Variants in MRPS27 observed in about 807,000 individuals in gnomAD.
The protein encoded by MRPS27 is mitochondrial ribosomal protein S27.
MRPS27 carries 43 observed loss-of-function variants against 48.9 expected under a neutral mutation model. The observed-to-expected ratio is 0.88, with a 90% CI of 0.69 to 1.13. The LOEUF is 1.13. Ranked by LOEUF, MRPS27 falls within the 50% of genes most tolerant of loss-of-function variation. The pLI is 0.00. For missense variants in MRPS27, 467 were observed against 476.3 expected (o/e 0.98, Z 0.18); for synonymous variants, 188 against 171.9 (o/e 1.09, Z -0.73).
chr5:72,315,103 T>C (rs1264393267), intron 1 of MRPS27, among the ~76,000 whole-genome samples: 4 of 152,184 alleles, frequency 2.6e-5, no homozygotes, highest in African/African-American at 9.7e-5. Flanking sequence ...GGCAAGTTCA[T>C]CAAAATTTAA....
chr5:72,283,610 T>C (rs1204092703), intron 4 of MRPS27, among the ~76,000 whole-genome samples: 1 of 152,128 alleles, frequency 6.6e-6, no homozygotes, highest in African/African-American at 2.4e-5. Context: ...GAAGACCCAA[T>C]GGGTATGTTT....
chr5:72,242,665 TACACACAC>T lies in MRPS27; in HGVS notation c.282-4545_282-4538del, dbSNP rs57589095. ...CTAGGCAACACAGCGAGACCCCGTC[TACACACAC>T]ACACACACACACACACACACACACA... On this transcript the variant is annotated intron_variant, in intron 4 of 10. Transcript: ENST00000261413. Among the ~76,000 whole-genome samples, 621 of 134,222 alleles carry T rather than the reference TACACACAC, an allele frequency of 4.6e-3. 4 individuals carry two copies. Among genetic ancestry groups the T allele is most frequent in the South Asian group, 0.013 (48 of 3,780 alleles). The allele number at this position is 134,222 out of a possible 152,430, so 88.1% of individuals were successfully genotyped here.
intron 5 of MRPS27, among the ~76,000 whole-genome samples, chr5:72,237,130 G>T (rs1748216674): frequency 6.6e-6 from 1 of 152,054 alleles, no homozygotes; most frequent in Non-Finnish European, 1.5e-5. Flanking sequence ...TTACAGGCAT[G>T]TGCCACGGTG....
Position 72,307,423 on chromosome 5 carries a change from ACC to A in MRPS27, c.151+6656_151+6657del, listed in dbSNP as rs529636021. Among the ~76,000 whole-genome samples, 8 of 152,312 alleles carry A rather than the reference ACC, an allele frequency of 5.3e-5. No individual in the cohort carries two copies. In the East Asian group the frequency reaches 1.5e-3, roughly 29 times the overall value. The stretch of plus-strand genomic sequence containing the variant: ...AACTGGATATTTCGTGATATTTACA[ACC>A]CTATTAATATTTTAGGTGTGATAAT... On this transcript the variant is annotated intron_variant, in intron 2 of 10. Transcript: ENST00000261413.
intron 4 of MRPS27, among the ~76,000 whole-genome samples, chr5:72,287,484 CA>C (rs1477122964): frequency 2.6e-5 from 4 of 151,990 alleles, no homozygotes; most frequent in Admixed American, 6.6e-5. Flanking sequence ...TACAAAAACA[CA>C]AAAATTAGCC....
Position 72,255,035 on chromosome 5 carries a change from T to C in MRPS27, c.282-16907A>G, listed in dbSNP as rs112805579. On this transcript the variant is annotated intron_variant, in intron 4 of 10. Coordinates refer to ENST00000261413, the MANE Select transcript of MRPS27 (RefSeq NM_015084.3). Reference sequence around the variant, plus strand: ...AATGTAACACATTTCTTTTCTTTTTTTTTTTTTTTTTTTTTTTTTTTGAGA... The same window carrying C: ...AATGTAACACATTTCTTTTCTTTTTCTTTTTTTTTTTTTTTTTTTTTGAGA... Among the ~76,000 whole-genome samples, 68 of 127,924 alleles carry C rather than the reference T, an allele frequency of 5.3e-4. 1 individual carries two copies. The highest frequency in any genetic ancestry group is 3.7e-3 in the Middle Eastern group (1 of 270). The allele number at this position is 127,924 out of a possible 152,430, so 83.9% of individuals were successfully genotyped here.
chr5:72,222,067 G>T (rs758918890), intron 10 of MRPS27, among the ~76,000 whole-genome samples: 1 of 152,186 alleles, frequency 6.6e-6, no homozygotes, highest in Non-Finnish European at 1.5e-5. Flanking sequence ...AGGGTTGGGG[G>T]TGGGCAGGGT....
At chr5:72,314,334 A>G (rs1208514145) in intron 1 of MRPS27, 176 bp from the exon 2 acceptor site, 7 of 453,442 alleles carry the variant, frequency 1.5e-5, no homozygotes, top group African/African-American at 1.4e-4. Flanking sequence ...AACAAAATGC[A>G]TTCAACCCCT....
At chr5:72,225,779 A>AT (rs35100305) in intron 9 of MRPS27, among the ~76,000 whole-genome samples, 33,486 of 145,936 alleles carry the variant, frequency 0.23, 4,290 homozygotes, top group African/African-American at 0.35. Flanking sequence ...TCCCACTGAG[A>AT]TTTTTTTTTT....
chr5:72,256,202 A>G (rs1284023782), intron 4 of MRPS27, among the ~76,000 whole-genome samples: 1 of 152,254 alleles, frequency 6.6e-6, no homozygotes, highest in Non-Finnish European at 1.5e-5. Context: ...ACAAATGTGT[A>G]TATCCGATAT....
At chr5:72,241,360 A>C (rs2111966620) in intron 4 of MRPS27, 1 of 482,388 alleles carries the variant, frequency 2.1e-6, no homozygotes, top group Non-Finnish European at 3.7e-6. Flanking sequence ...TTACACACAT[A>C]CTATAAAATA....
chr5:72,306,275 A>G (rs1454566390), intron 2 of MRPS27, among the ~76,000 whole-genome samples: 2 of 152,276 alleles, frequency 1.3e-5, no homozygotes, highest in Non-Finnish European at 2.9e-5. Flanking sequence ...TGCAGCTTCA[A>G]ATGAAATAAC....
At chr5:72,251,705 G>C (rs1050230827) in intron 4 of MRPS27, among the ~76,000 whole-genome samples, 5 of 152,228 alleles carry the variant, frequency 3.3e-5, no homozygotes, top group African/African-American at 1.2e-4. Flanking sequence ...AAGAGAAGCT[G>C]CTAAGTGCTG....
At chr5:72,297,609 T>C in intron 3 of MRPS27, 23 bp downstream of exon 3, 2 of 1,473,614 alleles carry the variant, frequency 1.4e-6, no homozygotes, top group Non-Finnish European at 1.9e-6. Context: ...TCTTGGAAAA[T>C]ATATATGTTA....
intron 8 of MRPS27, 68 bp from the exon 9 acceptor site, chr5:72,226,267 T>C: frequency 6.3e-7 from 1 of 1,578,488 alleles, no homozygotes. Context: ...ACTGAGGACC[T>C]GAAGGCCCAA....
intron 4 of MRPS27, among the ~76,000 whole-genome samples, chr5:72,279,306 T>C (rs1749470417): frequency 1.3e-5 from 2 of 152,228 alleles, no homozygotes; most frequent in Non-Finnish European, 2.9e-5. Flanking sequence ...ATATTCTCTA[T>C]CCACTTTTCT....
At chr5:72,274,360 CA>C in intron 4 of MRPS27, among the ~76,000 whole-genome samples, 1 of 152,216 alleles carries the variant, frequency 6.6e-6, no homozygotes, top group East Asian at 1.9e-4. Context: ...TCTCAAAAAA[CA>C]AAAACAATAA....
chr5:72,288,456 C>G (rs1749731901), intron 4 of MRPS27, among the ~76,000 whole-genome samples: 1 of 152,188 alleles, frequency 6.6e-6, no homozygotes, highest in Non-Finnish European at 1.5e-5. Context: ...CGTGATCTGC[C>G]CGCCTCGGCT....
In MRPS27 at chr5:72,221,071, C is replaced by G; in HGVS notation, c.1083G>C (p.Lys361Asn). 2 of 1,614,164 alleles carry G rather than the reference C, an allele frequency of 1.2e-6. No individual in the cohort carries two copies. The highest frequency in any genetic ancestry group is 1.7e-6 in the Non-Finnish European group (2 of 1,180,016). ...GLLSLTTQLV[K>N]EKLSTCEAED... ...CTGCTTCACAGGTGGAGAGTTTTTC[C>G]TTGACAAGCTGGGTGGTCAGACTTA... is the stretch of plus-strand genomic sequence containing the variant. The change falls in exon 11 of 11, where the codon AAG becomes AAC. Residue 361 changes from lysine (K) to asparagine (N), a missense_variant. Transcript: ENST00000261413.
Sources: gnomAD v4.1 joint callset for allele counts (sites outside exome capture counted in the v4.1 genomes callset) on GRCh38, gnomAD v4.1.1 for gene constraint, MANE v1.5 for transcripts, NCBI Gene and HGNC (gene_info 2026-07-23, HGNC 2026-07-21) for gene names.